Variants in PCDHGC4 observed in about 807,000 individuals in gnomAD.
The protein encoded by PCDHGC4 is protocadherin gamma-C4.
In PCDHGC4, 15 loss-of-function variants were observed where a neutral mutation model predicts 59.7. That is an observed-to-expected ratio of 0.25 (90% CI 0.17 to 0.39). PCDHGC4 has a LOEUF of 0.39. PCDHGC4 is among the 10% of genes least tolerant of loss of function. PCDHGC4 has a pLI of 1.00. For missense variants in PCDHGC4, 1,016 were observed against 1,189.5 expected (o/e 0.85, Z 2.15); for synonymous variants, 434 against 481.4 (o/e 0.90, Z 1.29).
rs112808093 is a variant in PCDHGC4, at chr5:141,489,579, C to T, written c.2442+1964C>T. On this transcript the variant is annotated intron_variant, in intron 1 of 3. Transcript: ENST00000306593. The surrounding 1 kb of genome is among the most constrained non-coding windows in gnomAD (Gnocchi z 4.5). ...CAGTGCAGGTGGTGACTGAACACCC[C>T]CTGGAGCTAATCCGTGTAGAGGTAG... is the stretch of plus-strand genomic sequence containing the variant. 211 of 1,614,038 alleles carry T rather than the reference C, an allele frequency of 1.3e-4. 1 individual carries two copies. In the African/African-American group the frequency reaches 1.7e-3, roughly 13 times the overall value.
At chr5:141,508,859 G>C (rs1268915304) in intron 3 of PCDHGC4, among the ~76,000 whole-genome samples, 1 of 152,086 alleles carries the variant, frequency 6.6e-6, no homozygotes, top group Non-Finnish European at 1.5e-5. Flanking sequence ...CCCAGGCTGG[G>C]AAAGGCTGAA....
Position 141,486,146 on chromosome 5 carries a change from G to A in PCDHGC4, c.973G>A (p.Gly325Arg), listed in dbSNP as rs533158692. The A allele has an allele frequency of 3.1e-6, 5 of 1,614,184 alleles. No homozygotes were observed. The highest frequency in any genetic ancestry group is 2.2e-5 in the East Asian group (1 of 44,876). The stretch of plus-strand genomic sequence containing the variant: ...TGAATTTGATGTGCGGGCTCGCGAT[G>A]GGGGTTCTCCAGCCATGGAGCAACA... Reference protein sequence around the residue: ...YYEFDVRARDGGSPAMEQHCS... With the variant: ...YYEFDVRARDRGSPAMEQHCS... The change falls in exon 1 of 4, where the codon GGG becomes AGG. Residue 325 changes from glycine (G) to arginine (R), a missense_variant. Transcript: ENST00000306593. The surrounding 1 kb of genome is among the most constrained non-coding windows in gnomAD (Gnocchi z 5.0).
chr5:141,489,359 AG>A lies in PCDHGC4; in HGVS notation c.2442+1745del. On this transcript the variant is annotated intron_variant, in intron 1 of 3. Coordinates refer to ENST00000306593, the MANE Select transcript of PCDHGC4 (RefSeq NM_018928.3). The surrounding 1 kb of genome is among the most constrained non-coding windows in gnomAD (Gnocchi z 4.5). ...CGTTACTCAGTGGTGGAGGAGTCTG[AG>A]CCGGGGACGCTGGTGGGGAATGTTG... 1 of 1,613,110 alleles carries A rather than the reference AG, an allele frequency of 6.2e-7. No homozygotes were observed. The highest frequency in any genetic ancestry group is 1.1e-5 in the South Asian group (1 of 90,984).
rs187495695 is a variant in PCDHGC4, at chr5:141,486,508, T to G, written c.1335T>G (p.Ile445Met). The G allele has an allele frequency of 9.3e-6, 15 of 1,614,172 alleles. No homozygotes were observed. In the Admixed American group the frequency reaches 2.5e-4, roughly 27 times the overall value. The stretch of plus-strand genomic sequence containing the variant: ...CCCACAGAACTATTTTCCTCAATAT[T>G]TCAGATGTGAATGATAATCCACCCT... Reference protein sequence around the residue: ...LSTHRTIFLNISDVNDNPPSF... With the variant: ...LSTHRTIFLNMSDVNDNPPSF... The change falls in exon 1 of 4, where the codon ATT (isoleucine) becomes ATG (methionine). Residue 445 changes from isoleucine (I) to methionine (M), a missense_variant. Ile to Met is a conservative substitution (Grantham distance 10). Coordinates refer to ENST00000306593, the MANE Select transcript of PCDHGC4 (RefSeq NM_018928.3). The surrounding 1 kb of genome is among the most constrained non-coding windows in gnomAD (Gnocchi z 5.0).
chr5:141,500,189 TTTATTTATTTATTTATTTA>T (rs2099797567), intron 2 of PCDHGC4, among the ~76,000 whole-genome samples: 1 of 110,894 alleles, frequency 9.0e-6, no homozygotes, highest in Non-Finnish European at 1.8e-5. Flanking sequence ...TTTATTTTTA[TTTATTTATTTATTTATTTA>T]TTTATTTATT....
chr5:141,492,501 G>A (rs551410616), intron 1 of PCDHGC4, among the ~76,000 whole-genome samples: 8 of 152,302 alleles, frequency 5.3e-5, no homozygotes, highest in East Asian at 1.9e-4. Flanking sequence ...CGAGGACTCC[G>A]GAGCCTCCTC....
At chr5:141,506,923 C>T (rs1414595306) in intron 3 of PCDHGC4, among the ~76,000 whole-genome samples, 4 of 152,184 alleles carry the variant, frequency 2.6e-5, no homozygotes, top group African/African-American at 9.7e-5. Context: ...ACATACTAAA[C>T]AAACTTTAGG....
chr5:141,490,936 C>T lies in PCDHGC4; in HGVS notation c.2442+3321C>T. 6.2e-7 allele frequency: 1 copy of T among 1,613,694 alleles called. No individual in the cohort carries two copies. On this transcript the variant is annotated intron_variant, in intron 1 of 3. Transcript: ENST00000306593. The surrounding 1 kb of genome is among the most constrained non-coding windows in gnomAD (Gnocchi z 5.4). ...GAATGATAATGCCCCAGCTGTGCTG[C>T]ACCCACGGCCAGACTGGGAACACTC...
At chr5:141,496,050 G>A (rs1232836015) in intron 2 of PCDHGC4, among the ~76,000 whole-genome samples, 2 of 149,892 alleles carry the variant, frequency 1.3e-5, no homozygotes, top group Non-Finnish European at 3.0e-5. Flanking sequence ...ATTTTTTTGT[G>A]CTTGTGGGCA....
intron 3 of PCDHGC4, chr5:141,508,127 G>A (rs1220643878): frequency 6.6e-6 from 1 of 152,628 alleles, no homozygotes; most frequent in Non-Finnish European, 1.5e-5. Context: ...ACAGAGGGAG[G>A]TCAGGGAGCT....
chr5:141,500,184 T>TTTTATTTA (rs58019021), intron 2 of PCDHGC4, among the ~76,000 whole-genome samples: 1,392 of 135,954 alleles, frequency 0.01, 12 homozygotes, highest in South Asian at 0.02. Flanking sequence ...TCATTTTTAT[T>TTTTATTTA]TTTATTTATT....
rs767719494 is a variant in PCDHGC4 at position 141,491,200 on chromosome 5, C to T, written c.2442+3585C>T. On this transcript the variant is annotated intron_variant, in intron 1 of 3. Coordinates refer to ENST00000306593, the MANE Select transcript of PCDHGC4 (RefSeq NM_018928.3). This position sits in a 1 kb window ranked among gnomAD's most constrained non-coding sequence, Gnocchi z 6.9. The stretch of plus-strand genomic sequence containing the variant: ...GGTCCTGGTGAGGGACAATGGTGAC[C>T]CTTCACTCTCCTCCACAGCCACAGT... 4 of 1,614,158 alleles carry T rather than the reference C, an allele frequency of 2.5e-6. No individual in the cohort carries two copies. The highest frequency in any genetic ancestry group is 3.4e-6 in the Non-Finnish European group (4 of 1,180,000).
At position 141,511,181 on chromosome 5, in the gene PCDHGC4, G is replaced by A. The variant is rs1301391138; in HGVS notation, c.*8G>A. On this transcript the variant is annotated 3_prime_UTR_variant, in exon 4 of 4. Transcript: ENST00000306593. Reference sequence around the variant, plus strand: ...AAGAAGGAGAAGAAGTAACATGGAGGCCAGGCCAAGAGCCACAGGGCGGCC... The same window carrying A: ...AAGAAGGAGAAGAAGTAACATGGAGACCAGGCCAAGAGCCACAGGGCGGCC... 6.2e-7 allele frequency: 1 copy of A among 1,614,016 alleles called. No homozygotes were observed. The highest frequency in any genetic ancestry group is 1.7e-5 in the Admixed American group (1 of 60,016).
At chr5:141,503,814 T>C (rs539980053) in intron 2 of PCDHGC4, among the ~76,000 whole-genome samples, 2 of 152,100 alleles carry the variant, frequency 1.3e-5, no homozygotes, top group East Asian at 3.9e-4. Flanking sequence ...GAATCCCAGA[T>C]TGGGCAAAAC....
chr5:141,511,443 C>A lies in PCDHGC4; in HGVS notation c.*270C>A. On this transcript the variant is annotated 3_prime_UTR_variant, in exon 4 of 4. Coordinates refer to ENST00000306593, the MANE Select transcript of PCDHGC4 (RefSeq NM_018928.3). ...GGGGTAGTGGGGTTACTGTAGACAC[C>A]AAGAACCATTTGCCACACCCCGTTT... 1 of 670,886 alleles carries A rather than the reference C, an allele frequency of 1.5e-6. No homozygotes were observed. Among genetic ancestry groups the A allele is most frequent in the Non-Finnish European group, 2.4e-6 (1 of 421,442 alleles). 41.6% of individuals were successfully genotyped at this position (670,886 alleles called of 1,614,324 possible).
intron 3 of PCDHGC4, among the ~76,000 whole-genome samples, chr5:141,506,032 G>A (rs994735467): frequency 5.9e-5 from 9 of 152,166 alleles, no homozygotes; most frequent in Non-Finnish European, 1.0e-4. Context: ...TCCAGAGTAG[G>A]ATTCTGGTTT....
rs749937052 is a variant in PCDHGC4, at chr5:141,490,441, G to A, written c.2442+2826G>A. ...CCTGCCATTTCAGATTAAGCCTTCT[G>A]AGAACCACTACTCGCTGCTAACCAG... On this transcript the variant is annotated intron_variant, in intron 1 of 3. Coordinates refer to ENST00000306593, the MANE Select transcript of PCDHGC4 (RefSeq NM_018928.3). The surrounding 1 kb of genome is among the most constrained non-coding windows in gnomAD (Gnocchi z 5.4). The A allele has an allele frequency of 9.3e-6, 15 of 1,614,208 alleles. No homozygotes were observed. The highest frequency in any genetic ancestry group is 1.2e-5 in the Non-Finnish European group (14 of 1,180,042).
At position 141,485,120 on chromosome 5, in the gene PCDHGC4, G is replaced by T; in HGVS notation, c.-54G>T. The T allele has an allele frequency of 7.4e-7, 1 of 1,348,050 alleles. No individual in the cohort carries two copies. Among genetic ancestry groups the T allele is most frequent in the Non-Finnish European group, 1.0e-6 (1 of 952,710 alleles). 83.5% of individuals were successfully genotyped at this position (1,348,050 alleles called of 1,614,324 possible). On this transcript the variant is annotated 5_prime_UTR_variant, in exon 1 of 4. Transcript: ENST00000306593. The surrounding 1 kb of genome is among the most constrained non-coding windows in gnomAD (Gnocchi z 5.7). ...TCCAGCTGCTGTGGCTGTTTGGGGC[G>T]GGTCGGCTTCATCCGCGTCTCAGGA...
intron 2 of PCDHGC4, among the ~76,000 whole-genome samples, chr5:141,496,639 C>A (rs752903356): frequency 6.6e-6 from 1 of 152,222 alleles, no homozygotes; most frequent in Non-Finnish European, 1.5e-5. Flanking sequence ...TTGGGCTGCC[C>A]TTGCCCTTCC....
Sources: allele counts gnomAD v4.1 joint callset (sites outside exome capture counted in the v4.1 genomes callset), GRCh38; gene constraint gnomAD v4.1.1; non-coding constraint Gnocchi (gnomAD v3.1); transcripts MANE v1.5; gene names NCBI Gene and HGNC (gene_info 2026-07-23, HGNC 2026-07-21).